NLGN1: variants seen among roughly 807,000 people sequenced by gnomAD.
NLGN1 encodes the protein neuroligin-1.
NLGN1 carries 12 observed loss-of-function variants against 65.5 expected under a neutral mutation model. The observed-to-expected ratio is 0.18, with a 90% CI of 0.12 to 0.30. The LOEUF is 0.30. NLGN1 is among the 10% of genes least tolerant of loss of function. The pLI is 1.00. For synonymous variants in NLGN1, 350 were observed against 359.5 expected, an observed-to-expected ratio of 0.97 and a Z score of 0.30; for missense variants, 750 against 1,007.1, an observed-to-expected ratio of 0.74 and a Z score of 3.46.
intron 5 of NLGN1, among the ~76,000 whole-genome samples, chr3:174,275,954 C>T (rs552103381): frequency 4.3e-4 from 66 of 151,884 alleles, no homozygotes; most frequent in Non-Finnish European, 3.8e-4. Context: ...ATGAAGCTAA[C>T]GAAGCGGTCA....
chr3:174,248,007 T>G (rs1744109942), intron 4 of NLGN1, among the ~76,000 whole-genome samples: 2 of 152,234 alleles, frequency 1.3e-5, no homozygotes. Flanking sequence ...ACTAATTCAT[T>G]CATATTGGCT....
chr3:173,432,926 T>G (rs955435378), intron 1 of NLGN1, among the ~76,000 whole-genome samples: 4 of 152,156 alleles, frequency 2.6e-5, no homozygotes, highest in Non-Finnish European at 5.9e-5. Context: ...CCCCCCAGGC[T>G]CTCTCAGTGG....
At chr3:174,175,356 G>C (rs112188310) in intron 4 of NLGN1, among the ~76,000 whole-genome samples, 3,425 of 151,788 alleles carry the variant, frequency 0.023, 50 homozygotes, top group African/African-American at 0.04. Flanking sequence ...ATATCCCCTT[G>C]TTGAATTAGC....
chr3:173,470,476 C>T (rs1441361929), intron 2 of NLGN1, among the ~76,000 whole-genome samples: 4 of 152,052 alleles, frequency 2.6e-5, no homozygotes, highest in South Asian at 2.1e-4. Flanking sequence ...CCCAAACACA[C>T]GTAGCGCTTG....
intron 3 of NLGN1, among the ~76,000 whole-genome samples, chr3:173,676,500 T>A (rs1180020197): frequency 6.6e-6 from 1 of 152,184 alleles, no homozygotes. Context: ...TCAGATAATA[T>A]AAAGTTTTTG....
At chr3:173,605,673 G>C in intron 3 of NLGN1, 80 bp downstream of exon 3, 1 of 629,504 alleles carries the variant, frequency 1.6e-6, no homozygotes, top group South Asian at 1.5e-5. Flanking sequence ...AGGATGATTT[G>C]CTGATGCTGG....
chr3:174,038,168 G>GT (rs1553919479), intron 4 of NLGN1, among the ~76,000 whole-genome samples: 5 of 152,110 alleles, frequency 3.3e-5, no homozygotes, highest in African/African-American at 1.2e-4. Flanking sequence ...TTCTTGTCAG[G>GT]TTTTTGCTTT....
At chr3:173,624,657 C>G (rs1209327691) in intron 3 of NLGN1, among the ~76,000 whole-genome samples, 1 of 152,098 alleles carries the variant, frequency 6.6e-6, no homozygotes, top group East Asian at 1.9e-4. Context: ...GCTAACTATA[C>G]TGTGTAGTAA....
Position 174,079,313 on chromosome 3 carries a change from A to C in NLGN1, c.647-196002A>C, listed in dbSNP as rs115040843. On this transcript the variant is annotated intron_variant, in intron 4 of 6. Transcript: ENST00000457714. ...AGCTCAGCATTACTGATCTTTAGAG[A>C]AATGCCAGTCAAAATCAAAATGAGA... 9.8e-4 allele frequency among the ~76,000 whole-genome samples: 149 copies of C among 152,320 alleles called. 1 individual carries two copies. Among genetic ancestry groups the C allele is most frequent in the South Asian group, 2.7e-3 (13 of 4,828 alleles).
intron 3 of NLGN1, among the ~76,000 whole-genome samples, chr3:173,780,440 G>A (rs985323352): frequency 6.6e-5 from 10 of 152,166 alleles, no homozygotes; most frequent in Non-Finnish European, 1.3e-4. Context: ...TATGACAAGT[G>A]CAAATAACTG....
intron 3 of NLGN1, among the ~76,000 whole-genome samples, chr3:173,669,754 T>G (rs1762213981): frequency 6.6e-6 from 1 of 152,216 alleles, no homozygotes; most frequent in Non-Finnish European, 1.5e-5. Context: ...TCCTAGTATT[T>G]TTGTTATAAT....
At chr3:174,283,617 A>G (rs1437897344) in exon 7 of NLGN1, 1 of 151,466 alleles carries the variant, frequency 6.6e-6, no homozygotes, top group African/African-American at 2.4e-5. Flanking sequence ...CTGACACTAA[A>G]AGATAAAAAT....
Position 173,605,103 on chromosome 3 carries a change from G to A in NLGN1, c.493+12G>A. On this transcript the variant is annotated intron_variant, in intron 3 of 6. Transcript: ENST00000457714. ...CCCGACTGAGGATGGTGAGTTTATT[G>A]CAGGAAAAACAGGGAGATATATTTA... The A allele has an allele frequency of 6.3e-7, 1 of 1,579,098 alleles. No homozygotes were observed. The highest frequency in any genetic ancestry group is 1.2e-5 in the South Asian group (1 of 84,506).
chr3:173,544,320 G>A lies in NLGN1; in HGVS notation c.-320-59959G>A, dbSNP rs186506671. Among the ~76,000 whole-genome samples, 918 of 151,252 alleles carry A rather than the reference G, an allele frequency of 6.1e-3. 4 individuals are homozygous for A. The highest frequency in any genetic ancestry group is 9.0e-3 in the Admixed American group (137 of 15,148). ...TTACTCTGGCTGCTGTGTGGAGAAT[G>A]GTTTATAGAGAGCAGCAGAGAAAGC... On this transcript the variant is annotated intron_variant, in intron 2 of 6. Coordinates refer to ENST00000457714, the Ensembl canonical transcript of NLGN1.
chr3:174,273,741 G>GAGTT (rs1398451100), intron 4 of NLGN1, among the ~76,000 whole-genome samples: 1 of 151,544 alleles, frequency 6.6e-6, no homozygotes, highest in African/African-American at 2.4e-5. Context: ...CACACACAAT[G>GAGTT]AGTTAGAGCT....
chr3:174,140,857 G>C (rs1460484735), intron 4 of NLGN1, among the ~76,000 whole-genome samples: 1 of 152,070 alleles, frequency 6.6e-6, no homozygotes, highest in Non-Finnish European at 1.5e-5. Flanking sequence ...ATAGCCAAAA[G>C]TTGAATAATT....
At chr3:174,253,996 G>A (rs1167307054) in intron 4 of NLGN1, among the ~76,000 whole-genome samples, 1 of 152,120 alleles carries the variant, frequency 6.6e-6, no homozygotes, top group Non-Finnish European at 1.5e-5. Context: ...TTAAATTTGA[G>A]TGGAATCCAA....
At chr3:174,254,525 C>A (rs889197619) in intron 4 of NLGN1, among the ~76,000 whole-genome samples, 1 of 151,812 alleles carries the variant, frequency 6.6e-6, no homozygotes, top group African/African-American at 2.4e-5. Context: ...TGGTTGTCAC[C>A]TTTGAGTCTA....
At chr3:173,850,159 T>C (rs559348271) in intron 4 of NLGN1, among the ~76,000 whole-genome samples, 12 of 152,278 alleles carry the variant, frequency 7.9e-5, no homozygotes, top group African/African-American at 2.6e-4. Context: ...GCATCAATTC[T>C]TTCATTAATA....
Sources: gnomAD v4.1 joint callset for allele counts (sites outside exome capture counted in the v4.1 genomes callset) on GRCh38, gnomAD v4.1.1 for gene constraint, MANE v1.5 for transcripts, NCBI Gene and HGNC (gene_info 2026-07-23, HGNC 2026-07-21) for gene names.